The following ZFYVE21 variants were observed in gnomAD, a reference collection of about 807,000 sequenced individuals.
The protein encoded by ZFYVE21 is zinc finger FYVE-type containing 21, also known as zinc finger FYVE domain-containing protein 21.
A neutral mutation model predicts 29.5 loss-of-function variants in ZFYVE21; 21 were observed. The ratio of observed to expected loss-of-function variants is 0.71; its 90% CI spans 0.50 to 1.02. ZFYVE21 has a LOEUF of 1.02. Ranked by LOEUF, ZFYVE21 falls within the 50% of genes least tolerant of loss-of-function variation. ZFYVE21 has a pLI of 0.00. For missense variants in ZFYVE21, 326 were observed against 335.4 expected (o/e 0.97, Z 0.22); for synonymous variants, 151 against 133.8 (o/e 1.13, Z -0.89).
intron 3 of ZFYVE21, 86 bp downstream of exon 3, chr14:103,728,000 C>T (rs1037258407): frequency 7.1e-7 from 1 of 1,398,940 alleles, no homozygotes; most frequent in South Asian, 1.4e-5. Context: ...GTGCACGGGG[C>T]GTTCTGCTTC....
At chr14:103,718,952 CG>C (rs34948315) in intron 1 of ZFYVE21, among the ~76,000 whole-genome samples, 1 of 152,158 alleles carries the variant, frequency 6.6e-6, no homozygotes, top group Non-Finnish European at 1.5e-5. Context: ...AGCTGTGCAG[CG>C]GGGAGAACAG....
chr14:103,728,440 G>A (rs1042177077), intron 3 of ZFYVE21, among the ~76,000 whole-genome samples: 2 of 152,254 alleles, frequency 1.3e-5, no homozygotes, highest in African/African-American at 4.8e-5. Context: ...CCTGTCCCCT[G>A]CCTGCCCGCC....
In ZFYVE21 at chr14:103,732,688, C is replaced by T; in HGVS notation, c.595C>T (p.Leu199=). The T allele has an allele frequency of 2.5e-6, 4 of 1,613,152 alleles. No individual in the cohort carries two copies. The highest frequency in any genetic ancestry group is 3.4e-6 in the Non-Finnish European group (4 of 1,179,678). The part of the protein sequence containing the change: ...TVPGTEGVTQ[L]KLTVVEDVTV... ...GCCGGGGACGGAGGGTGTGACCCAGCTGAAGCTGACAGTGGTGGAGGACGT... is the reference window on the plus strand; with the variant it reads ...GCCGGGGACGGAGGGTGTGACCCAGTTGAAGCTGACAGTGGTGGAGGACGT... Residue 199 remains leucine, a synonymous_variant, in exon 6 of 7, where the codon CTG becomes TTG. Transcript: ENST00000311141.
intron 3 of ZFYVE21, 103 bp downstream of exon 3, chr14:103,728,017 G>T: frequency 7.9e-7 from 1 of 1,260,622 alleles, no homozygotes; most frequent in Non-Finnish European, 1.1e-6. Context: ...CTTCTCTGAC[G>T]TTCTCTCGCC....
intron 5 of ZFYVE21, chr14:103,729,517 C>T: frequency 1.7e-6 from 1 of 577,720 alleles, no homozygotes; most frequent in African/African-American, 1.9e-5. Context: ...TAACTGAGAT[C>T]CCCAAAAAGG....
Position 103,733,242 on chromosome 14 carries a change from CAATA to C in ZFYVE21, c.*225_*228del. 1 of 591,422 alleles carries C rather than the reference CAATA, an allele frequency of 1.7e-6. No homozygotes were observed. Among genetic ancestry groups the C allele is most frequent in the Non-Finnish European group, 2.9e-6 (1 of 341,284 alleles). The allele number at this position is 591,422 out of a possible 1,614,324, so 36.6% of individuals were successfully genotyped here. ...TCATGTTTTAGAATTTGTGTATTGT[CAATA>C]CTTAATTGGGGGTGGGAGAGACTGA... On this transcript the variant is annotated 3_prime_UTR_variant, in exon 7 of 7. Coordinates refer to ENST00000311141, the MANE Select transcript of ZFYVE21 (RefSeq NM_024071.4).
intron 1 of ZFYVE21, among the ~76,000 whole-genome samples, chr14:103,723,377 G>A (rs1272394398): frequency 2.0e-5 from 3 of 152,206 alleles, no homozygotes; most frequent in African/African-American, 7.2e-5. Flanking sequence ...GCCAGCCAAC[G>A]CCCACAGCCC....
chr14:103,718,093 G>A lies in ZFYVE21; in HGVS notation c.138+2114G>A, dbSNP rs529378001. On this transcript the variant is annotated intron_variant, in intron 1 of 6. Transcript: ENST00000311141. ...GTGATTGTCGGGAGGTGACTCAAAT[G>A]TGCAGATAACCAGTTGTGGGAAATA... Among the ~76,000 whole-genome samples, 4 of 152,352 alleles carry A rather than the reference G, an allele frequency of 2.6e-5. No individual in the cohort carries two copies. The East Asian group carries it at 5.8e-4, about 22-fold the overall frequency.
intron 5 of ZFYVE21, chr14:103,730,951 G>A (rs2083967971): frequency 6.6e-6 from 1 of 152,410 alleles, no homozygotes; most frequent in South Asian, 2.1e-4. Context: ...TACACTGACA[G>A]GCAAGGTTCC....
At chr14:103,732,542 G>C (rs1291623543) in intron 5 of ZFYVE21, 78 bp from the exon 6 acceptor site, 19 of 1,488,874 alleles carry the variant, frequency 1.3e-5, no homozygotes, top group Non-Finnish European at 1.7e-5. Context: ...GGATGTGCTG[G>C]CCACCGCCTT....
intron 3 of ZFYVE21, 46 bp from the exon 4 acceptor site, chr14:103,728,862 G>A (rs1243696816): frequency 6.2e-7 from 1 of 1,600,056 alleles, no homozygotes; most frequent in Non-Finnish European, 8.6e-7. Flanking sequence ...GGGTTAGGTG[G>A]AAAAGAAGCA....
In ZFYVE21 at chr14:103,727,883, C is replaced by A; in HGVS notation, c.327C>A (p.Phe109Leu). Reference protein sequence around the residue: ...CALVSLKEAEFYDKQLKVLLS... With the variant: ...CALVSLKEAELYDKQLKVLLS... The stretch of plus-strand genomic sequence containing the variant: ...TCGTGTCCCTCAAGGAGGCGGAGTT[C>A]TACGACAAGCAGCTCAAAGTGCTCC... The change falls in exon 3 of 7, where the codon TTC becomes TTA. Residue 109 changes from phenylalanine (F) to leucine (L), a missense_variant. Physicochemically the swap from Phe to Leu is conservative, Grantham distance 22. Coordinates refer to ENST00000311141, the MANE Select transcript of ZFYVE21 (RefSeq NM_024071.4). 1 of 1,612,886 alleles carries A rather than the reference C, an allele frequency of 6.2e-7. No homozygotes were observed. Among genetic ancestry groups the A allele is most frequent in the Non-Finnish European group, 8.5e-7 (1 of 1,179,624 alleles).
intron 1 of ZFYVE21, among the ~76,000 whole-genome samples, chr14:103,719,327 G>A (rs2083853894): frequency 6.6e-6 from 1 of 152,104 alleles, no homozygotes. Flanking sequence ...GGGCGTGGTG[G>A]TGTGTGCCTG....
At chr14:103,727,951 G>T in intron 3 of ZFYVE21, 37 bp downstream of exon 3, 1 of 1,566,078 alleles carries the variant, frequency 6.4e-7, no homozygotes, top group East Asian at 2.3e-5. Context: ...CGCGCGCTCC[G>T]CCAGCCGGCT....
chr14:103,719,469 A>T (rs2083855722), intron 1 of ZFYVE21, among the ~76,000 whole-genome samples: 1 of 151,818 alleles, frequency 6.6e-6, no homozygotes, highest in Non-Finnish European at 1.5e-5. Flanking sequence ...AAAAAAAAAA[A>T]AAAGTCCAGG....
intron 5 of ZFYVE21, chr14:103,729,930 G>A (rs1055056291): frequency 2.1e-6 from 3 of 1,451,882 alleles, no homozygotes; most frequent in East Asian, 2.5e-5. Context: ...TCCACGGGGT[G>A]GTCCATGCCA....
At chr14:103,731,610 GAA>G in intron 5 of ZFYVE21, 1 of 150,316 alleles carries the variant, frequency 6.7e-6, no homozygotes, top group Non-Finnish European at 1.5e-5. Context: ...CTCCGTCTCG[GAA>G]AAAAAAAATG....
chr14:103,732,319 G>A (rs578028316), intron 5 of ZFYVE21: 8 of 266,744 alleles, frequency 3.0e-5, no homozygotes, highest in South Asian at 2.6e-4. Flanking sequence ...GCATAGCAGC[G>A]CCTCAATTAG....
At chr14:103,721,799 C>T (rs2083874863) in intron 1 of ZFYVE21, among the ~76,000 whole-genome samples, 1 of 152,224 alleles carries the variant, frequency 6.6e-6, no homozygotes. Flanking sequence ...CGTCTTGAGG[C>T]CTGTTTCATT....
Sources: allele counts gnomAD v4.1 joint callset (sites outside exome capture counted in the v4.1 genomes callset), GRCh38; gene constraint gnomAD v4.1.1; transcripts MANE v1.5; gene names NCBI Gene and HGNC (gene_info 2026-07-23, HGNC 2026-07-21).